Variants in CDH2 observed in about 807,000 individuals in gnomAD.
The protein encoded by CDH2 is cadherin 2.
CDH2 carries 17 observed loss-of-function variants against 92.0 expected under a neutral mutation model. The observed-to-expected ratio is 0.18, with a 90% CI of 0.13 to 0.28. The LOEUF (loss-of-function observed/expected upper bound fraction) is 0.28. CDH2 is among the 10% of genes least tolerant of loss of function. CDH2 has a pLI of 1.00. For synonymous variants in CDH2, 419 were observed against 415.9 expected (o/e 1.01, Z -0.09); for missense variants, 862 against 1,133.1 (o/e 0.76, Z 3.44).
At chr18:27,960,310 G>A (rs1376822350) in intron 15 of CDH2, among the ~76,000 whole-genome samples, 2 of 152,058 alleles carry the variant, frequency 1.3e-5, no homozygotes, top group Non-Finnish European at 2.9e-5. Context: ...ACCCTTCCTG[G>A]GTTGGTAAAT....
At chr18:28,084,735 C>T (rs1018237151) in intron 2 of CDH2, among the ~76,000 whole-genome samples, 6 of 152,124 alleles carry the variant, frequency 3.9e-5, no homozygotes, top group Non-Finnish European at 5.9e-5. Flanking sequence ...GGGATCAATA[C>T]AGCAAAGCAC....
At chr18:28,137,642 ATCTTTGT>A (rs2015885772) in intron 2 of CDH2, among the ~76,000 whole-genome samples, 1 of 152,124 alleles carries the variant, frequency 6.6e-6, no homozygotes, top group African/African-American at 2.4e-5. Context: ...ACCATAAGGG[ATCTTTGT>A]TCTATGTTGT....
chr18:28,144,603 C>T (rs2016006455), intron 2 of CDH2, among the ~76,000 whole-genome samples: 1 of 151,988 alleles, frequency 6.6e-6, no homozygotes, highest in African/African-American at 2.4e-5. Context: ...AAAAGAATCT[C>T]CATAGCAGCA....
At chr18:28,044,377 T>C (rs1253777545) in intron 2 of CDH2, among the ~76,000 whole-genome samples, 1 of 152,216 alleles carries the variant, frequency 6.6e-6, no homozygotes, top group African/African-American at 2.4e-5. Context: ...ATTCTTCCAG[T>C]AAACAATTCC....
intron 2 of CDH2, among the ~76,000 whole-genome samples, chr18:28,072,080 C>T (rs1011354674): frequency 6.6e-6 from 1 of 152,028 alleles, no homozygotes; most frequent in Non-Finnish European, 1.5e-5. Flanking sequence ...ATCACTTATT[C>T]TCTCTGCCTT....
chr18:27,939,172 T>C (rs1290120559), intron 6 of CDH2, among the ~76,000 whole-genome samples: 1 of 152,182 alleles, frequency 6.6e-6, no homozygotes, highest in Non-Finnish European at 1.5e-5. Flanking sequence ...CCCCACGTTT[T>C]CTTCCTTGCA....
downstream of CDH2, among the ~76,000 whole-genome samples, chr18:27,948,254 T>A (rs932775390): frequency 2.7e-5 from 4 of 147,032 alleles, no homozygotes; most frequent in African/African-American, 9.7e-5. Flanking sequence ...GTATGTGATA[T>A]AAGTGTGTAT....
At chr18:28,072,593 A>G (rs1401852921) in intron 2 of CDH2, among the ~76,000 whole-genome samples, 2 of 152,244 alleles carry the variant, frequency 1.3e-5, no homozygotes, top group African/African-American at 4.8e-5. Context: ...AGAGTTCTGA[A>G]TAATAAAGTA....
At chr18:28,025,996 T>TG in intron 2 of CDH2, among the ~76,000 whole-genome samples, 1 of 152,256 alleles carries the variant, frequency 6.6e-6, no homozygotes, top group African/African-American at 2.4e-5. Context: ...TAATCATTCA[T>TG]GGGGGGCATG....
intron 2 of CDH2, among the ~76,000 whole-genome samples, chr18:28,146,993 T>A (rs2016045459): frequency 6.6e-6 from 1 of 152,174 alleles, no homozygotes; most frequent in African/African-American, 2.4e-5. Context: ...CTTTCAGTTT[T>A]CCTTTTGATA....
chr18:28,120,727 C>G (rs1158290359), intron 2 of CDH2, among the ~76,000 whole-genome samples: 2 of 152,042 alleles, frequency 1.3e-5, no homozygotes, highest in Admixed American at 1.3e-4. Flanking sequence ...CCCCATCTAT[C>G]CTATTCTACA....
At chr18:28,051,688 A>G (rs193212028) in intron 2 of CDH2, among the ~76,000 whole-genome samples, 65 of 152,260 alleles carry the variant, frequency 4.3e-4, no homozygotes, top group Non-Finnish European at 7.1e-4. Flanking sequence ...AGTGTTTATG[A>G]GTAGTTTTCC....
chr18:27,959,189 T>G (rs1400614875), intron 15 of CDH2, among the ~76,000 whole-genome samples: 2 of 152,330 alleles, frequency 1.3e-5, no homozygotes, highest in South Asian at 2.1e-4. Context: ...CTGAAGGTCA[T>G]GTTTAAAAAT....
chr18:27,988,458 TC>T, intron 11 of CDH2, 65 bp downstream of exon 11: 9 of 1,397,650 alleles, frequency 6.4e-6, no homozygotes, highest in Non-Finnish European at 7.9e-6. Flanking sequence ...AAACTTTAAT[TC>T]CTGAGCATGC....
At chr18:28,140,588 T>A (rs1304390012) in intron 2 of CDH2, among the ~76,000 whole-genome samples, 1 of 151,814 alleles carries the variant, frequency 6.6e-6, no homozygotes, top group African/African-American at 2.4e-5. Flanking sequence ...TGGCCATCTA[T>A]AAGGAAGCAG....
intron 14 of CDH2, among the ~76,000 whole-genome samples, chr18:27,980,794 CA>C (rs777659826): frequency 0.12 from 9,217 of 75,140 alleles, 272 homozygotes; most frequent in African/African-American, 0.19. Flanking sequence ...TGGCTGGGGT[CA>C]AAAAAAAAAA....
chr18:28,091,011 G>A (rs891395834), intron 2 of CDH2, among the ~76,000 whole-genome samples: 3 of 152,084 alleles, frequency 2.0e-5, no homozygotes, highest in African/African-American at 7.2e-5. Context: ...CTAGTCCTCC[G>A]GGCAGTTTAC....
At chr18:28,061,576 T>C (rs1056605629) in intron 2 of CDH2, among the ~76,000 whole-genome samples, 4 of 152,154 alleles carry the variant, frequency 2.6e-5, no homozygotes, top group Non-Finnish European at 4.4e-5. Flanking sequence ...GCCACTGCAC[T>C]CCAGTCTGGG....
chr18:28,030,662 C>T (rs17522701), intron 2 of CDH2, among the ~76,000 whole-genome samples: 41 of 152,154 alleles, frequency 2.7e-4, no homozygotes, highest in African/African-American at 9.2e-4. Flanking sequence ...GAAGCTGGTA[C>T]AGCAGCTAGG....
Sources: gnomAD v4.1 joint callset for allele counts (sites outside exome capture counted in the v4.1 genomes callset) on GRCh38, gnomAD v4.1.1 for gene constraint, MANE v1.5 for transcripts, NCBI Gene and HGNC (gene_info 2026-07-23, HGNC 2026-07-21) for gene names.